Variants in EPHA6 observed in about 807,000 individuals in gnomAD.
The protein encoded by EPHA6 is EPH receptor A6, also known as ephrin type-A receptor 6.
Under a neutral mutation model 112.0 loss-of-function variants are expected in EPHA6, and 50 were observed. That is an observed-to-expected ratio of 0.45 (90% confidence interval 0.36 to 0.56). The LOEUF (loss-of-function observed/expected upper bound fraction) is 0.56. Ranked by LOEUF, EPHA6 falls within the 20% of genes least tolerant of loss-of-function variation. The pLI, the probability that EPHA6 is intolerant of heterozygous loss-of-function variation, is 0.00. For missense variants in EPHA6, 1,280 were observed against 1,417.4 expected, an observed-to-expected ratio of 0.90 and a Z score of 1.56; for synonymous variants, 529 against 490.7, an observed-to-expected ratio of 1.08 and a Z score of -1.03.
chr3:97,675,242 G>T (rs556371359), intron 14 of EPHA6, among the ~76,000 whole-genome samples: 1 of 152,284 alleles, frequency 6.6e-6, no homozygotes, highest in Middle Eastern at 3.4e-3. Flanking sequence ...CACTTGGGAG[G>T]CTGAGGCAGG....
At chr3:97,041,168 T>C (rs1186760077) in intron 3 of EPHA6, among the ~76,000 whole-genome samples, 2 of 152,174 alleles carry the variant, frequency 1.3e-5, no homozygotes, top group Non-Finnish European at 2.9e-5. Context: ...TTATTCCAAC[T>C]CTGTGGGGTC....
chr3:96,995,699 A>T (rs147516377), intron 3 of EPHA6, among the ~76,000 whole-genome samples: 5 of 152,262 alleles, frequency 3.3e-5, no homozygotes, highest in African/African-American at 1.2e-4. Context: ...ATTGTCTATT[A>T]GGTTTACAAT....
chr3:97,060,682 C>T lies in EPHA6; in HGVS notation c.1114+72689C>T, dbSNP rs560679189. ...ATCCCAGCACTTTGGGAGGCCGAGG[C>T]GGGCAGATCACGAGGTCAGGAGATC... On this transcript the variant is annotated intron_variant, in intron 3 of 17. Coordinates refer to ENST00000389672, the MANE Select transcript of EPHA6 (RefSeq NM_001080448.3). Among the ~76,000 whole-genome samples the T allele has an allele frequency of 4.6e-3, 692 of 151,760 alleles. 2 individuals carry two copies. The highest frequency in any genetic ancestry group is 7.2e-3 in the Non-Finnish European group (486 of 67,916).
chr3:97,021,525 G>A (rs2044459985), intron 3 of EPHA6, among the ~76,000 whole-genome samples: 1 of 152,162 alleles, frequency 6.6e-6, no homozygotes, highest in African/African-American at 2.4e-5. Context: ...GGCTGCCCTA[G>A]CAGAATGCCA....
chr3:96,844,334 T>A (rs971986610), intron 1 of EPHA6, among the ~76,000 whole-genome samples: 1 of 152,018 alleles, frequency 6.6e-6, no homozygotes, highest in African/African-American at 2.4e-5. Context: ...TGTGTACTAT[T>A]AGTTAAACTT....
At chr3:97,708,011 C>G (rs2033771591) in intron 14 of EPHA6, among the ~76,000 whole-genome samples, 1 of 152,092 alleles carries the variant, frequency 6.6e-6, no homozygotes, top group Admixed American at 6.5e-5. Flanking sequence ...TGAAAATGGA[C>G]TAATACAGAA....
At position 97,396,046 on chromosome 3, in the gene EPHA6, T is replaced by C. The variant is rs1425694155; in HGVS notation, c.1607-9104T>C. 5.3e-5 allele frequency among the ~76,000 whole-genome samples: 8 copies of C among 151,890 alleles called. 1 individual carries two copies. Among genetic ancestry groups the C allele is most frequent in the Non-Finnish European group, 1.2e-4 (8 of 67,866 alleles). On this transcript the variant is annotated intron_variant, in intron 5 of 17. Coordinates refer to ENST00000389672, the MANE Select transcript of EPHA6 (RefSeq NM_001080448.3). ...ATAGCCTTGTGGAGTAAGGTACTCA[T>C]TAATGCTGAAGCAAAAAATGGATAA...
chr3:97,037,796 G>T lies in EPHA6; in HGVS notation c.1114+49803G>T, dbSNP rs74694522. Among the ~76,000 whole-genome samples, 532 of 152,148 alleles carry T rather than the reference G, an allele frequency of 3.5e-3. 3 individuals carry two copies. The highest frequency in any genetic ancestry group is 0.012 in the African/African-American group (511 of 41,524). On this transcript the variant is annotated intron_variant, in intron 3 of 17. Transcript: ENST00000389672. ...AGGATATATGTCTAAGCTAATATTT[G>T]CAGATGATTCAATGTGGTAATTCAG...
intron 11 of EPHA6, among the ~76,000 whole-genome samples, chr3:97,558,527 C>T (rs1372455915): frequency 6.6e-6 from 1 of 151,974 alleles, no homozygotes; most frequent in East Asian, 1.9e-4. Context: ...TTCCCCCTTT[C>T]CCCCATTCTC....
intron 14 of EPHA6, among the ~76,000 whole-genome samples, chr3:97,714,899 G>C (rs753343634): frequency 5.9e-5 from 9 of 152,208 alleles, no homozygotes; most frequent in Non-Finnish European, 1.0e-4. Flanking sequence ...ACATCAGTAA[G>C]ACTCCATATG....
At chr3:97,221,308 CAAAAAAAAAAAAAAAA>C (rs57025573) in intron 3 of EPHA6, among the ~76,000 whole-genome samples, 2 of 16,394 alleles carry the variant, frequency 1.2e-4, no homozygotes, top group Non-Finnish European at 1.8e-4. Context: ...GACTCTGTCT[CAAAAAAAAAAAAAAAA>C]AAAAAAAAAA....
At chr3:96,975,272 A>G (rs1442304197) in intron 2 of EPHA6, among the ~76,000 whole-genome samples, 3 of 152,112 alleles carry the variant, frequency 2.0e-5, no homozygotes, top group African/African-American at 7.2e-5. Flanking sequence ...AGACTTGCAT[A>G]TGAAGCTCCA....
At chr3:97,460,698 A>T (rs2090858867) in intron 7 of EPHA6, among the ~76,000 whole-genome samples, 1 of 152,144 alleles carries the variant, frequency 6.6e-6, no homozygotes, top group African/African-American at 2.4e-5. Context: ...AGATTCCTCA[A>T]TGTGATGTAC....
In EPHA6 at chr3:96,994,732, TAGAGAGAG is replaced by T. The variant is rs71623564; in HGVS notation, c.1114+6762_1114+6769del. Reference sequence around the variant, plus strand: ...GTGTATATATATATATATATATATATAGAGAGAGAGAGAGAGAGAGAGAGAGAGAGCTA... The same window carrying T: ...GTGTATATATATATATATATATATATAGAGAGAGAGAGAGAGAGAGAGCTA... On this transcript the variant is annotated intron_variant, in intron 3 of 17. Coordinates refer to ENST00000389672, the MANE Select transcript of EPHA6 (RefSeq NM_001080448.3). Among the ~76,000 whole-genome samples the T allele has an allele frequency of 5.0e-3, 414 of 82,190 alleles. 2 individuals are homozygous for T. The highest frequency in any genetic ancestry group is 7.1e-3 in the Non-Finnish European group (329 of 46,478). 53.9% of individuals were successfully genotyped at this position (82,190 alleles called of 152,430 possible). A position where few individuals can be genotyped will look rare whatever the true frequency, so the allele number is the denominator to read the frequency against.
chr3:97,454,996 A>G (rs1341023665), intron 7 of EPHA6, among the ~76,000 whole-genome samples: 2 of 151,990 alleles, frequency 1.3e-5, no homozygotes, highest in Non-Finnish European at 2.9e-5. Context: ...TCAATAGCAC[A>G]CTTTCAACAT....
intron 5 of EPHA6, among the ~76,000 whole-genome samples, chr3:97,313,518 T>C (rs774396234): frequency 2.0e-5 from 3 of 151,628 alleles, no homozygotes; most frequent in Non-Finnish European, 4.4e-5. Flanking sequence ...CAAGGGTTCC[T>C]TTTTTCCACA....
chr3:97,432,230 A>C (rs1367360450), intron 6 of EPHA6, among the ~76,000 whole-genome samples: 1 of 152,126 alleles, frequency 6.6e-6, no homozygotes, highest in Non-Finnish European at 1.5e-5. Context: ...CTAAACAACA[A>C]ATGCAATTCC....
rs143814422 is a variant in EPHA6, at chr3:96,939,679, C to T, written c.451-47651C>T. ...TGTGTTTGCTCTTGCTTTTCTAGTT[C>T]TTTTAATTGTGATGTTAGGGTGTCA... On this transcript the variant is annotated intron_variant, in intron 2 of 17. Transcript: ENST00000389672. Among the ~76,000 whole-genome samples the T allele has an allele frequency of 5.9e-5, 9 of 152,218 alleles. No homozygotes were observed. In the East Asian group the frequency reaches 1.7e-3, roughly 29 times the overall value.
chr3:96,880,885 A>G (rs1167209018), intron 2 of EPHA6, among the ~76,000 whole-genome samples: 2 of 152,150 alleles, frequency 1.3e-5, no homozygotes, highest in Non-Finnish European at 2.9e-5. Flanking sequence ...GAATAATATT[A>G]CATTGTATGT....
Sources: gnomAD v4.1 joint callset for allele counts (sites outside exome capture counted in the v4.1 genomes callset) on GRCh38, gnomAD v4.1.1 for gene constraint, MANE v1.5 for transcripts, NCBI Gene and HGNC (gene_info 2026-07-23, HGNC 2026-07-21) for gene names.